Variants in APCDD1L observed in about 807,000 individuals in gnomAD.
APCDD1L encodes APC down-regulated 1 like.
A neutral mutation model predicts 24.2 loss-of-function variants in APCDD1L; 21 were observed. The ratio of observed to expected loss-of-function variants is 0.87; its 90% CI spans 0.61 to 1.25. APCDD1L has a LOEUF of 1.25. APCDD1L is among the 50% of genes most tolerant of loss of function. The probability of loss-of-function intolerance (pLI) is 0.00; values close to 1 mark genes in which losing one functional copy is unlikely to be tolerated. For missense variants in APCDD1L, 704 were observed against 711.7 expected (o/e 0.99, Z 0.12); for synonymous variants, 321 against 323.6 (o/e 0.99, Z 0.09).
intron 1 of APCDD1L, among the ~76,000 whole-genome samples, chr20:58,495,294 G>A (rs764601180): frequency 1.3e-5 from 2 of 152,220 alleles, no homozygotes; most frequent in Non-Finnish European, 1.5e-5. Flanking sequence ...GTTTCAAGAC[G>A]ATGATGGCAG....
At chr20:58,498,852 A>G (rs1486340242) in intron 1 of APCDD1L, among the ~76,000 whole-genome samples, 1 of 152,198 alleles carries the variant, frequency 6.6e-6, no homozygotes, top group Non-Finnish European at 1.5e-5. Flanking sequence ...AGCCCCTGGC[A>G]CTGCTTTTGG....
At chr20:58,501,198 T>A (rs931712757) in intron 1 of APCDD1L, among the ~76,000 whole-genome samples, 2 of 152,200 alleles carry the variant, frequency 1.3e-5, no homozygotes, top group African/African-American at 2.4e-5. Context: ...TTAAATATAT[T>A]TCTTTTCTTG....
chr20:58,490,734 G>A (rs1222166114), intron 1 of APCDD1L, among the ~76,000 whole-genome samples: 1 of 152,134 alleles, frequency 6.6e-6, no homozygotes, highest in Non-Finnish European at 1.5e-5. Flanking sequence ...CATTGCTAAG[G>A]TTCTCACACT....
intron 1 of APCDD1L, among the ~76,000 whole-genome samples, chr20:58,505,623 T>C (rs1238014909): frequency 2.0e-5 from 3 of 152,210 alleles, no homozygotes; most frequent in Admixed American, 2.0e-4. Flanking sequence ...CAGAAACACC[T>C]GGTGCCATCC....
chr20:58,510,061 G>GTTAGCCCCTCCCCT (rs1159567512), intron 1 of APCDD1L, among the ~76,000 whole-genome samples: 176 of 152,222 alleles, frequency 1.2e-3, no homozygotes, highest in African/African-American at 4.1e-3. Flanking sequence ...TCCTCATTCA[G>GTTAGCCCCTCCCCT]TTTTTCAAGT....
At chr20:58,489,599 G>A (rs1056008622) in intron 1 of APCDD1L, among the ~76,000 whole-genome samples, 1 of 151,526 alleles carries the variant, frequency 6.6e-6, no homozygotes, top group Non-Finnish European at 1.5e-5. Context: ...CAGGACAATC[G>A]CTTGAACCTG....
Position 58,474,192 on chromosome 20 carries a change from G to A in APCDD1L, c.50-3445C>T, listed in dbSNP as rs147017515. On this transcript the variant is annotated intron_variant, in intron 1 of 3. Transcript: ENST00000371149. The stretch of plus-strand genomic sequence containing the variant: ...CATCATGACCTTGAGTCCTCACAGC[G>A]GCAGCGTGTCAGTACCTTGGCAGAG... Among the ~76,000 whole-genome samples, 263 of 152,312 alleles carry A rather than the reference G, an allele frequency of 1.7e-3. 8 individuals carry two copies. In the South Asian group the frequency reaches 0.024, roughly 14 times the overall value.
chr20:58,501,163 A>G (rs181985765), intron 1 of APCDD1L, among the ~76,000 whole-genome samples: 254 of 152,326 alleles, frequency 1.7e-3, no homozygotes, highest in African/African-American at 5.8e-3. Flanking sequence ...ATTATGATGG[A>G]CCAGATAGTC....
At position 58,514,789 on chromosome 20, in the gene APCDD1L, T is replaced by C. The variant is rs2123205011; in HGVS notation, c.-82A>G. 2 of 1,170,130 alleles carry C rather than the reference T, an allele frequency of 1.7e-6. No homozygotes were observed. Among genetic ancestry groups the C allele is most frequent in the South Asian group, 8.7e-5 (2 of 23,006 alleles). 72.5% of individuals were successfully genotyped at this position (1,170,130 alleles called of 1,614,324 possible). ...CGCGGGCGCAGGGCTCTCGGACGGCTGCGGGCGCCGGCGGCCAGGCTGGAG... is the reference window on the plus strand; with the variant it reads ...CGCGGGCGCAGGGCTCTCGGACGGCCGCGGGCGCCGGCGGCCAGGCTGGAG... On this transcript the variant is annotated 5_prime_UTR_variant, in exon 1 of 4. Coordinates refer to ENST00000371149, the MANE Select transcript of APCDD1L (RefSeq NM_153360.3).
intron 1 of APCDD1L, among the ~76,000 whole-genome samples, chr20:58,481,466 C>A (rs1457226610): frequency 6.6e-6 from 1 of 152,192 alleles, no homozygotes; most frequent in Admixed American, 6.5e-5. Context: ...AACTGGTTCT[C>A]CACCAGATCT....
At chr20:58,514,039 AC>A in intron 1 of APCDD1L, 1 of 1,097,062 alleles carries the variant, frequency 9.1e-7, no homozygotes. Context: ...TGTCTACCCT[AC>A]TCCCCACCCC....
intron 1 of APCDD1L, among the ~76,000 whole-genome samples, chr20:58,478,497 G>T (rs1231199092): frequency 6.6e-6 from 1 of 151,684 alleles, no homozygotes; most frequent in Non-Finnish European, 1.5e-5. Context: ...ATGAGGGCTG[G>T]GTCCTCATCT....
In APCDD1L at chr20:58,510,151, A is replaced by G. The variant is rs770121012; in HGVS notation, c.49+4508T>C. Among the ~76,000 whole-genome samples the G allele has an allele frequency of 1.3e-5, 2 of 152,324 alleles. 1 individual carries two copies. Among genetic ancestry groups the G allele is most frequent in the South Asian group, 4.1e-4 (2 of 4,830 alleles). On this transcript the variant is annotated intron_variant, in intron 1 of 3. Transcript: ENST00000371149. ...CTAGATACCCCTAAAACTGCTTGGT[A>G]AAGTGCTCATCAGTCTTGTAATTAG...
At chr20:58,495,077 C>G (rs765881496) in intron 1 of APCDD1L, among the ~76,000 whole-genome samples, 1 of 152,166 alleles carries the variant, frequency 6.6e-6, no homozygotes, top group Non-Finnish European at 1.5e-5. Context: ...CCAACTGGTG[C>G]AGATTGGACG....
chr20:58,479,077 G>A (rs1208048012), intron 1 of APCDD1L, among the ~76,000 whole-genome samples: 1 of 152,108 alleles, frequency 6.6e-6, no homozygotes, highest in African/African-American at 2.4e-5. Flanking sequence ...GCCTCCACTA[G>A]CTCCACAGTC....
At chr20:58,486,853 G>GGTTTT (rs1990125885) in intron 1 of APCDD1L, among the ~76,000 whole-genome samples, 2 of 89,044 alleles carry the variant, frequency 2.2e-5, no homozygotes, top group Admixed American at 1.3e-4. Flanking sequence ...CTGGAGGGAA[G>GGTTTT]GTTTTTTTTT....
Position 58,467,365 on chromosome 20 carries a change from C to A in APCDD1L, c.482G>T (p.Arg161Leu). 6.8e-7 allele frequency: 1 copy of A among 1,470,270 alleles called. No homozygotes were observed. Among genetic ancestry groups the A allele is most frequent in the South Asian group, 1.4e-5 (1 of 73,502 alleles). 91.1% of individuals were successfully genotyped at this position (1,470,270 alleles called of 1,614,324 possible). ...QTRAGRDCAR[R>L]LPPARAWLPG... ...CAGCCAGGCCCGGGCCGGAGGCAGC[C>A]GCCGCGCGCAGTCCCGGCCGGCGCG... Residue 161 changes from arginine (R) to leucine (L), a missense_variant, in exon 3 of 4, where the codon CGG becomes CTG. Physicochemically the swap from Arg to Leu is moderately radical, Grantham distance 102. Coordinates refer to ENST00000371149, the MANE Select transcript of APCDD1L (RefSeq NM_153360.3). The surrounding 1 kb of genome is among the most constrained non-coding windows in gnomAD (Gnocchi z 5.9).
intron 1 of APCDD1L, among the ~76,000 whole-genome samples, chr20:58,510,098 G>A (rs1398785303): frequency 1.3e-5 from 2 of 152,112 alleles, no homozygotes; most frequent in Non-Finnish European, 1.5e-5. Context: ...CCTTTCTAGG[G>A]AGGCCTTCTT....
rs571658429 is a variant in APCDD1L, at chr20:58,514,980, C to T, written c.-273G>A. On this transcript the variant is annotated 5_prime_UTR_variant, in exon 1 of 4. The change creates a new upstream start codon in the 5' untranslated region. Transcript: ENST00000371149. ...GGCGCGCACACCCGCGCAGCGCGCA[C>T]AGCCCCCTGGTGCAGCTCCTGCCAT... 82 of 338,898 alleles carry T rather than the reference C, an allele frequency of 2.4e-4. No individual in the cohort carries two copies. The highest frequency in any genetic ancestry group is 1.7e-3 in the African/African-American group (79 of 46,978). The allele number at this position is 338,898 out of a possible 1,614,324, so 21.0% of individuals were successfully genotyped here. A position where few individuals can be genotyped will look rare whatever the true frequency, so the allele number is the denominator to read the frequency against.
Sources: gnomAD v4.1 joint callset for allele counts (sites outside exome capture counted in the v4.1 genomes callset) on GRCh38, gnomAD v4.1.1 for gene constraint, Gnocchi (gnomAD v3.1) non-coding constraint, MANE v1.5 for transcripts, NCBI Gene and HGNC (gene_info 2026-07-23, HGNC 2026-07-21) for gene names.